XG: variants seen among roughly 807,000 people sequenced by gnomAD.
XG encodes the protein Xg glycoprotein (Xg blood group).
Under a neutral mutation model 25.7 loss-of-function variants are expected in XG, and 24 were observed. The observed-to-expected ratio is 0.93, with a 90% confidence interval of 0.68 to 1.31. The LOEUF (loss-of-function observed/expected upper bound fraction) is 1.31, where lower values mean the gene tolerates loss of function less well. Among genes scored for constraint, XG ranks in the 40% most tolerant of loss-of-function variants. The pLI, the probability that XG is intolerant of heterozygous loss-of-function variation, is 0.00. For missense variants in XG, 181 were observed against 187.6 expected (o/e 0.96, Z 0.21); for synonymous variants, 77 against 69.2 (o/e 1.11, Z -0.56).
intron 2 of XG, 97 bp from the exon 3 acceptor site, chrX:2,774,619 T>C: frequency 7.4e-7 from 1 of 1,360,348 alleles, no homozygotes; most frequent in East Asian, 2.3e-5. Flanking sequence ...GCTTTGTCAC[T>C]CCCTTTTCAC....
At chrX:2,804,074 C>T (rs1307135169) in intron 7 of XG, among the ~76,000 whole-genome samples, 2 of 112,154 alleles carry the variant, frequency 1.8e-5, no homozygotes, top group African/African-American at 6.5e-5. Flanking sequence ...AACTCCTGAC[C>T]TGAGGCGATC....
chrX:2,767,019 C>A (rs1157386891), intron 1 of XG, among the ~76,000 whole-genome samples: 1 of 152,032 alleles, frequency 6.6e-6, no homozygotes, highest in Non-Finnish European at 1.5e-5. Flanking sequence ...GAGAATGGGA[C>A]TCAGAGACAT....
chrX:2,795,417 A>G (rs1179444548), intron 6 of XG, among the ~76,000 whole-genome samples: 1 of 106,793 alleles, frequency 9.4e-6, no homozygotes, highest in African/African-American at 3.4e-5. Context: ...ATGTACATAT[A>G]TACCTTTACA....
intron 1 of XG, among the ~76,000 whole-genome samples, chrX:2,752,634 T>G (rs2050359494): frequency 6.6e-6 from 1 of 152,154 alleles, no homozygotes; most frequent in Non-Finnish European, 1.5e-5. Context: ...ATGACCTATT[T>G]AACTCCATGA....
intron 1 of XG, among the ~76,000 whole-genome samples, chrX:2,764,075 G>T (rs1296401982): frequency 6.6e-6 from 1 of 152,196 alleles, no homozygotes; most frequent in Non-Finnish European, 1.5e-5. Flanking sequence ...CCGTAAAGAA[G>T]TCGGCCAAAT....
At chrX:2,772,400 G>A (rs1274149382) in intron 2 of XG, among the ~76,000 whole-genome samples, 1 of 152,310 alleles carries the variant, frequency 6.6e-6, no homozygotes, top group African/African-American at 2.4e-5. Context: ...AAGGAAGGGG[G>A]TTCTGATGCG....
intron 6 of XG, among the ~76,000 whole-genome samples, chrX:2,795,095 ACGTGGATACCTTTCTC>A (rs1276591541): frequency 9.1e-6 from 1 of 109,433 alleles, no homozygotes; most frequent in Non-Finnish European, 1.9e-5. Flanking sequence ...TATATACAGT[ACGTGGATACCTTTCTC>A]TGTTTTTATA....
chrX:2,758,291 G>C (rs969651831), intron 1 of XG, among the ~76,000 whole-genome samples: 2 of 152,144 alleles, frequency 1.3e-5, no homozygotes, highest in African/African-American at 4.8e-5. Flanking sequence ...CTTGAAGGGA[G>C]GAGGTATTAA....
intron 7 of XG, 58 bp downstream of exon 7, chrX:2,797,418 A>G: frequency 1.7e-6 from 2 of 1,163,676 alleles, no homozygotes; most frequent in Non-Finnish European, 2.3e-6. Flanking sequence ...TCATCTTTCT[A>G]GGGCTCCCGC....
chrX:2,758,171 T>C (rs1325477164), intron 1 of XG, among the ~76,000 whole-genome samples: 2 of 151,774 alleles, frequency 1.3e-5, no homozygotes, highest in Admixed American at 1.3e-4. Flanking sequence ...TCTAGCAAAT[T>C]TGTAGGTGTG....
intron 2 of XG, 128 bp from the exon 3 acceptor site, chrX:2,774,588 C>T (rs2050933204): frequency 4.0e-6 from 4 of 1,007,782 alleles, no homozygotes; most frequent in Non-Finnish European, 6.2e-6. Flanking sequence ...GAATTTGTGT[C>T]TATATCATTT....
intron 2 of XG, among the ~76,000 whole-genome samples, chrX:2,773,585 A>G (rs56144762): frequency 0.1 from 4,251 of 40,772 alleles, 59 homozygotes; most frequent in South Asian, 0.15. Flanking sequence ...GAAGGAGAGA[A>G]GGAAGGAAGG....
intron 6 of XG, among the ~76,000 whole-genome samples, chrX:2,795,900 C>T (rs1329060027): frequency 9.0e-6 from 1 of 110,755 alleles, no homozygotes; most frequent in Non-Finnish European, 1.9e-5. Context: ...TCGTGATCCA[C>T]CTGCCTCAGC....
chrX:2,783,149 A>G lies in XG; in HGVS notation c.190+1021A>G, dbSNP rs1428830800. Among the ~76,000 whole-genome samples, 3 of 111,442 alleles carry G rather than the reference A, an allele frequency of 2.7e-5. No homozygotes were observed. The Admixed American group carries it at 2.9e-4, about 11-fold the overall frequency. ...GGCTGAGAGACAAGTCCTTTCTCTC[A>G]CTTGTTTTCAGTGCTCCAAATACCT... On this transcript the variant is annotated intron_variant, in intron 4 of 10. Transcript: ENST00000644266.
chrX:2,811,304 C>T (rs373008968), intron 9 of XG, 32 bp from the exon 10 acceptor site: 3 of 1,117,840 alleles, frequency 2.7e-6, no homozygotes, highest in African/African-American at 3.7e-5. Flanking sequence ...GTTTTTTTCT[C>T]GGATGAGCTT....
chrX:2,759,876 C>T (rs1209345458), intron 1 of XG, among the ~76,000 whole-genome samples: 3 of 152,194 alleles, frequency 2.0e-5, no homozygotes, highest in African/African-American at 7.2e-5. Context: ...AACCTGTGAG[C>T]GATGTGTGCA....
intron 2 of XG, among the ~76,000 whole-genome samples, chrX:2,772,066 C>T (rs895034556): frequency 1.3e-5 from 2 of 152,060 alleles, no homozygotes; most frequent in African/African-American, 4.8e-5. Flanking sequence ...GTTGCACCAG[C>T]GTTTGGTCTG....
chrX:2,754,192 G>A (rs753462299), intron 1 of XG, among the ~76,000 whole-genome samples: 2 of 152,130 alleles, frequency 1.3e-5, no homozygotes, highest in African/African-American at 4.8e-5. Context: ...TTCACCCCAG[G>A]GGTTCGAACA....
chrX:2,808,631 C>G (rs2087026418), intron 9 of XG: 1 of 680,701 alleles, frequency 1.5e-6, no homozygotes, highest in African/African-American at 2.4e-5. Flanking sequence ...AATCCCGTCT[C>G]AGGTCAAAGG....
Sources: allele counts gnomAD v4.1 joint callset (sites outside exome capture counted in the v4.1 genomes callset), GRCh38; gene constraint gnomAD v4.1.1; transcripts MANE v1.5; gene names NCBI Gene and HGNC (gene_info 2026-07-23, HGNC 2026-07-21).